The following CALN1 variants were observed in gnomAD, a reference collection of about 807,000 sequenced individuals.
CALN1 encodes calneuron 1, also known as calcium-binding protein 8.
CALN1 carries 17 observed loss-of-function variants against 30.6 expected under a neutral mutation model. The ratio of observed to expected loss-of-function variants is 0.56; its 90% confidence interval spans 0.38 to 0.83. The LOEUF is 0.83. CALN1 is among the 40% of genes least tolerant of loss of function. The probability of loss-of-function intolerance (pLI) is 0.00; values close to 1 mark genes in which losing one functional copy is unlikely to be tolerated. For synonymous variants in CALN1, 156 were observed against 131.4 expected, an observed-to-expected ratio of 1.19 and a Z score of -1.28; for missense variants, 291 against 354.9, an observed-to-expected ratio of 0.82 and a Z score of 1.45.
Position 71,784,638 on chromosome 7 carries a change from G to A in CALN1, c.*3137C>T, listed in dbSNP as rs1023973729. 1 of 394,518 alleles carries A rather than the reference G, an allele frequency of 2.5e-6. No homozygotes were observed. The highest frequency in any genetic ancestry group is 4.5e-6 in the Non-Finnish European group (1 of 224,122). 24.4% of individuals were successfully genotyped at this position (394,518 alleles called of 1,614,324 possible). On this transcript the variant is annotated 3_prime_UTR_variant, in exon 7 of 7. Transcript: ENST00000395275. ...TTGCTCATCACTTGTGCTTTCCAGG[G>A]GGGCGGCGGGGGGTACCTGCTCTTG...
intron 4 of CALN1, among the ~76,000 whole-genome samples, chr7:72,084,220 C>T (rs1385951175): frequency 2.6e-5 from 4 of 152,022 alleles, no homozygotes; most frequent in African/African-American, 9.6e-5. Flanking sequence ...AAAAGCAAAA[C>T]AAAACAAAAC....
intron 6 of CALN1, among the ~76,000 whole-genome samples, chr7:71,801,013 T>C (rs560891510): frequency 6.6e-6 from 1 of 152,166 alleles, no homozygotes; most frequent in East Asian, 1.9e-4. Flanking sequence ...CCTCCCTGTG[T>C]CCATGTGTTC....
chr7:72,359,129 A>G (rs1803409165), intron 2 of CALN1, among the ~76,000 whole-genome samples: 1 of 151,936 alleles, frequency 6.6e-6, no homozygotes, highest in African/African-American at 2.4e-5. Context: ...CCCATTTTCT[A>G]GGAACCCTGC....
rs989670973 is a variant in CALN1, at chr7:72,287,734, C to A, written c.120-8924G>T. Among the ~76,000 whole-genome samples, 3 of 152,196 alleles carry A rather than the reference C, an allele frequency of 2.0e-5. 1 individual carries two copies. The highest frequency in any genetic ancestry group is 7.2e-5 in the African/African-American group (3 of 41,454). On this transcript the variant is annotated intron_variant, in intron 2 of 6. Coordinates refer to ENST00000395275, the MANE Select transcript of CALN1 (RefSeq NM_031468.4). ...GTGCTGGGATTACAGGCGTGAGCCA[C>A]TACGCCCAGCCTAGTTAATTTTTAA... is the stretch of plus-strand genomic sequence containing the variant.
chr7:71,906,645 T>C lies in CALN1; in HGVS notation c.502-96153A>G, dbSNP rs547270045. Among the ~76,000 whole-genome samples, 18 of 152,238 alleles carry C rather than the reference T, an allele frequency of 1.2e-4. No individual in the cohort carries two copies. The South Asian group carries it at 3.5e-3, about 30-fold the overall frequency. ...TTGATGTAGTCAAGCACCAACAAGC[T>C]TACACTGTAGCGGGGCAAATTGGAC... On this transcript the variant is annotated intron_variant, in intron 5 of 6. Coordinates refer to ENST00000395275, the MANE Select transcript of CALN1 (RefSeq NM_031468.4).
chr7:71,954,521 G>A (rs1055896034), intron 5 of CALN1, among the ~76,000 whole-genome samples: 1 of 151,870 alleles, frequency 6.6e-6, no homozygotes, highest in Non-Finnish European at 1.5e-5. Flanking sequence ...GCATAGTGGT[G>A]TGCATGTGTA....
intron 2 of CALN1, among the ~76,000 whole-genome samples, chr7:72,314,816 AAG>A (rs917009047): frequency 6.0e-5 from 9 of 148,960 alleles, no homozygotes; most frequent in African/African-American, 2.3e-4. Flanking sequence ...AATATTTAAA[AAG>A]AAATAATAAA....
chr7:71,923,768 C>G (rs1795105875), intron 5 of CALN1, among the ~76,000 whole-genome samples: 1 of 150,294 alleles, frequency 6.7e-6, no homozygotes, highest in South Asian at 2.1e-4. Context: ...CACAGATGCA[C>G]TTTTTTAGAG....
intron 3 of CALN1, among the ~76,000 whole-genome samples, chr7:72,243,284 G>C (rs1410336146): frequency 6.6e-6 from 1 of 152,190 alleles, no homozygotes; most frequent in Non-Finnish European, 1.5e-5. Flanking sequence ...CTCAAGAACT[G>C]AATCAGCTGC....
At chr7:72,295,629 T>C (rs1798800003) in intron 2 of CALN1, among the ~76,000 whole-genome samples, 2 of 139,620 alleles carry the variant, frequency 1.4e-5, no homozygotes, top group South Asian at 5.1e-4. Context: ...GAAGCAATTG[T>C]GAATGGGAGT....
chr7:72,135,136 C>T (rs1406587397), intron 3 of CALN1, among the ~76,000 whole-genome samples: 2 of 152,196 alleles, frequency 1.3e-5, no homozygotes, highest in African/African-American at 4.8e-5. Flanking sequence ...ACATCTGCAG[C>T]GACTTCCTCC....
rs565029186 is a variant in CALN1, at chr7:72,401,095, C to G, written c.119+2156G>C. On this transcript the variant is annotated intron_variant, in intron 2 of 6. Transcript: ENST00000395275. ...TTTGCTAAGGTGTCAACATGCTTCT[C>G]TCAATGTACCTGGAAAAGATGACCT... 1.5e-3 allele frequency among the ~76,000 whole-genome samples: 223 copies of G among 152,266 alleles called. 1 individual carries two copies. The highest frequency in any genetic ancestry group is 2.0e-3 in the Admixed American group (30 of 15,304).
intron 4 of CALN1, among the ~76,000 whole-genome samples, chr7:72,066,787 A>C (rs1020932394): frequency 1.4e-5 from 2 of 142,112 alleles, no homozygotes; most frequent in Non-Finnish European, 3.1e-5. Flanking sequence ...ATTTTATTTT[A>C]TTTTTTTTTT....
intron 4 of CALN1, among the ~76,000 whole-genome samples, chr7:72,050,329 C>G (rs1802755956): frequency 6.6e-6 from 1 of 152,028 alleles, no homozygotes; most frequent in African/African-American, 2.4e-5. Context: ...AGATTATTAA[C>G]CATACACACA....
intron 2 of CALN1, among the ~76,000 whole-genome samples, chr7:72,385,613 T>TC (rs1291205408): frequency 1.3e-5 from 2 of 152,170 alleles, no homozygotes; most frequent in African/African-American, 2.4e-5. Context: ...TGGCTCTGTG[T>TC]CCCCACCCAA....
chr7:71,883,716 T>TTGATGTGA (rs1792722857), intron 5 of CALN1, among the ~76,000 whole-genome samples: 2 of 152,282 alleles, frequency 1.3e-5, no homozygotes, highest in South Asian at 4.1e-4. Flanking sequence ...TCAAACAACC[T>TTGATGTGA]TGATGTGATC....
At chr7:71,874,726 G>C (rs1368754919) in intron 5 of CALN1, among the ~76,000 whole-genome samples, 1 of 152,144 alleles carries the variant, frequency 6.6e-6, no homozygotes, top group Non-Finnish European at 1.5e-5. Flanking sequence ...CAGGGACTTC[G>C]AGTGAGACAA....
chr7:71,892,524 G>A (rs780768127), intron 5 of CALN1, among the ~76,000 whole-genome samples: 13 of 152,196 alleles, frequency 8.5e-5, no homozygotes, highest in Middle Eastern at 3.4e-3. Context: ...TGTAATCCCC[G>A]CTACTCAGGA....
intron 1 of CALN1, among the ~76,000 whole-genome samples, chr7:72,436,168 T>G (rs147449124): frequency 1.3e-5 from 2 of 152,208 alleles, no homozygotes; most frequent in Non-Finnish European, 2.9e-5. Flanking sequence ...ACTGCTGATA[T>G]GGTTTGGCTG....
Sources: allele counts gnomAD v4.1 joint callset (sites outside exome capture counted in the v4.1 genomes callset), GRCh38; gene constraint gnomAD v4.1.1; transcripts MANE v1.5; gene names NCBI Gene and HGNC (gene_info 2026-07-23, HGNC 2026-07-21).